Variants in DDX31 observed in about 807,000 individuals in gnomAD.
DDX31 encodes the protein DEAD-box helicase 31, also known as ATP-dependent DNA helicase DDX31.
A neutral mutation model predicts 91.3 loss-of-function variants in DDX31; 70 were observed. The observed-to-expected ratio is 0.77, with a 90% confidence interval of 0.63 to 0.94. The LOEUF (loss-of-function observed/expected upper bound fraction) is 0.94. Among genes scored for constraint, DDX31 ranks in the 40% least tolerant of loss-of-function variants. The pLI, the probability that DDX31 is intolerant of heterozygous loss-of-function variation, is 0.00. For missense variants in DDX31, 902 were observed against 925.0 expected (o/e 0.98, Z 0.32); for synonymous variants, 362 against 350.6 (o/e 1.03, Z -0.36).
At chr9:132,622,984 AG>A (rs1490184741) in intron 17 of DDX31, among the ~76,000 whole-genome samples, 1 of 152,044 alleles carries the variant, frequency 6.6e-6, no homozygotes, top group Non-Finnish European at 1.5e-5. Flanking sequence ...TACAAAAGTT[AG>A]CCGGGCATGG....
chr9:132,630,249 A>G lies in DDX31; in HGVS notation c.1631+15T>C, dbSNP rs1832638419. The G allele has an allele frequency of 1.3e-6, 2 of 1,565,912 alleles. No individual in the cohort carries two copies. The highest frequency in any genetic ancestry group is 2.3e-5 in the East Asian group (1 of 43,660). ...GGTGAGACCAGCCGAAACCCCATTC[A>G]GGTTTCTGACTCACTTGATTTTGTG... is the stretch of plus-strand genomic sequence containing the variant. On this transcript the variant is annotated intron_variant, in intron 16 of 19. Coordinates refer to ENST00000372159, the MANE Select transcript of DDX31 (RefSeq NM_022779.9).
intron 12 of DDX31, 140 bp downstream of exon 12, chr9:132,646,683 T>C: frequency 1.3e-6 from 1 of 743,334 alleles, no homozygotes; most frequent in Non-Finnish European, 2.2e-6. Context: ...AGGATGTATA[T>C]CAAAGTCTGC....
Position 132,648,138 on chromosome 9 carries a change from C to T in DDX31, c.967+51G>A. 3 of 1,477,532 alleles carry T rather than the reference C, an allele frequency of 2.0e-6. No individual in the cohort carries two copies. The East Asian group carries it at 6.8e-5, about 33-fold the overall frequency. The allele number at this position is 1,477,532 out of a possible 1,614,324, so 91.5% of individuals were successfully genotyped here. On this transcript the variant is annotated intron_variant, in intron 11 of 19. Coordinates refer to ENST00000372159, the MANE Select transcript of DDX31 (RefSeq NM_022779.9). Reference sequence around the variant, plus strand: ...AAACAACCCAGGTTAAATCTAGGTCCTTCCTCTTCATTAAGAACAAAGAAG... The same window carrying T: ...AAACAACCCAGGTTAAATCTAGGTCTTTCCTCTTCATTAAGAACAAAGAAG...
Position 132,595,224 on chromosome 9 carries a change from T to C in DDX31, c.1995-112A>G. On this transcript the variant is annotated intron_variant, in intron 19 of 19. Transcript: ENST00000372159. The surrounding 1 kb of genome is among the most constrained non-coding windows in gnomAD (Gnocchi z 4.6). The stretch of plus-strand genomic sequence containing the variant: ...AGACTGTGAAGCTGACATTTTTGTA[T>C]TAACAGAAGTACAATCCCTTCAATA... 8 of 1,295,898 alleles carry C rather than the reference T, an allele frequency of 6.2e-6. No individual in the cohort carries two copies. Among genetic ancestry groups the C allele is most frequent in the Non-Finnish European group, 8.4e-6 (8 of 951,108 alleles). The allele number at this position is 1,295,898 out of a possible 1,614,324, so 80.3% of individuals were successfully genotyped here.
intron 19 of DDX31, among the ~76,000 whole-genome samples, chr9:132,608,883 G>A (rs1831171814): frequency 6.6e-6 from 1 of 152,138 alleles, no homozygotes; most frequent in Non-Finnish European, 1.5e-5. Context: ...AACCCTGACT[G>A]AGGTGTGGAA....
chr9:132,646,104 T>C (rs774782808), intron 12 of DDX31, 33 bp from the exon 13 acceptor site: 2 of 1,599,918 alleles, frequency 1.3e-6, no homozygotes, highest in South Asian at 1.1e-5. Flanking sequence ...AAAACCGACA[T>C]ATTTTAAGAT....
At chr9:132,655,602 C>T (rs577039014) in intron 6 of DDX31, among the ~76,000 whole-genome samples, 5 of 152,136 alleles carry the variant, frequency 3.3e-5, no homozygotes, top group East Asian at 3.9e-4. Context: ...CTTTACTTTT[C>T]GCTATATATA....
intron 16 of DDX31, among the ~76,000 whole-genome samples, chr9:132,628,719 A>G (rs1832547044): frequency 6.6e-6 from 1 of 152,202 alleles, no homozygotes; most frequent in Admixed American, 6.5e-5. Flanking sequence ...GCATGGGGGA[A>G]CATCCAGAGA....
chr9:132,645,835 T>C, intron 13 of DDX31, 60 bp downstream of exon 13: 1 of 1,533,174 alleles, frequency 6.5e-7, no homozygotes, highest in Non-Finnish European at 8.8e-7. Context: ...GGACTCAGGT[T>C]CGCCCCCATC....
chr9:132,666,460 G>T (rs1402197605), intron 1 of DDX31, among the ~76,000 whole-genome samples: 1 of 151,808 alleles, frequency 6.6e-6, no homozygotes, highest in Non-Finnish European at 1.5e-5. Context: ...AATTATGAGT[G>T]GGTTTTTAAA....
chr9:132,650,253 T>C lies in DDX31; in HGVS notation c.721A>G (p.Arg241Gly). 2 of 1,614,146 alleles carry C rather than the reference T, an allele frequency of 1.2e-6. No individual in the cohort carries two copies. Reference protein sequence around the residue: ...VPGVLMGGEKRKSEKARLRKG... With the variant: ...VPGVLMGGEKGKSEKARLRKG... ...TCCTACCTGGCCTTTTCTGATTTTC[T>C]CTTCTCTCCTCCCATTAACACTCCA... Residue 241 changes from arginine to glycine, a missense_variant, in exon 9 of 20, where the codon AGA (arginine) becomes GGA (glycine). Coordinates refer to ENST00000372159, the MANE Select transcript of DDX31 (RefSeq NM_022779.9).
intron 16 of DDX31, among the ~76,000 whole-genome samples, chr9:132,628,757 G>A (rs1209964584): frequency 6.6e-6 from 1 of 152,214 alleles, no homozygotes; most frequent in East Asian, 1.9e-4. Context: ...ATGGGAAAAT[G>A]GAATTTGTAG....
chr9:132,632,918 A>C (rs1387728879), intron 14 of DDX31, among the ~76,000 whole-genome samples: 1 of 152,210 alleles, frequency 6.6e-6, no homozygotes, highest in Non-Finnish European at 1.5e-5. Flanking sequence ...AGCAGACCAG[A>C]AAGTGGGAAT....
Position 132,602,593 on chromosome 9 carries a change from C to T in DDX31, c.1995-7481G>A, listed in dbSNP as rs148042367. On this transcript the variant is annotated intron_variant, in intron 19 of 19. Coordinates refer to ENST00000372159, the MANE Select transcript of DDX31 (RefSeq NM_022779.9). ...GTTCTGCTTCCAGACCTAGAGGAAACTGGAAAAAAAGTTAGATCCAAATCT... is the reference window on the plus strand; with the variant it reads ...GTTCTGCTTCCAGACCTAGAGGAAATTGGAAAAAAAGTTAGATCCAAATCT... Among the ~76,000 whole-genome samples, 858 of 152,240 alleles carry T rather than the reference C, an allele frequency of 5.6e-3. 6 individuals are homozygous for T. The highest frequency in any genetic ancestry group is 0.017 in the African/African-American group (724 of 41,536).
At chr9:132,636,885 T>C (rs561829387) in intron 14 of DDX31, among the ~76,000 whole-genome samples, 1 of 152,152 alleles carries the variant, frequency 6.6e-6, no homozygotes, top group East Asian at 1.9e-4. Context: ...TCTGCGTGGG[T>C]CAGTTTGGCA....
At chr9:132,601,746 G>A (rs184982733) in intron 19 of DDX31, among the ~76,000 whole-genome samples, 11 of 152,322 alleles carry the variant, frequency 7.2e-5, no homozygotes, top group African/African-American at 1.7e-4. Context: ...CTGGGCCTTC[G>A]TACAGCCTGA....
chr9:132,665,780 T>C (rs2130863825), intron 1 of DDX31, among the ~76,000 whole-genome samples: 1 of 152,122 alleles, frequency 6.6e-6, no homozygotes, highest in East Asian at 1.9e-4. Flanking sequence ...TGCCAAGGAG[T>C]ATACTAAGTA....
chr9:132,613,294 G>C (rs115531989), intron 18 of DDX31, among the ~76,000 whole-genome samples: 1 of 152,222 alleles, frequency 6.6e-6, no homozygotes. Context: ...AATGTTTAAA[G>C]GAGAAAGAAA....
chr9:132,658,748 A>T lies in DDX31; in HGVS notation c.524-13T>A, dbSNP rs566976611. 687 of 1,612,596 alleles carry T rather than the reference A, an allele frequency of 4.3e-4. 9 individuals carry two copies. The South Asian group carries it at 7.1e-3, about 17-fold the overall frequency. The stretch of plus-strand genomic sequence containing the variant: ...GCAAGAGTTTTACCTTTCAAAAAAA[A>T]AGCAGAAGCAATTAAAATCACACAC... On this transcript the variant is annotated splice_polypyrimidine_tract_variant and intron_variant, in intron 5 of 19. Coordinates refer to ENST00000372159, the MANE Select transcript of DDX31 (RefSeq NM_022779.9).
Sources: gnomAD v4.1 joint callset for allele counts (sites outside exome capture counted in the v4.1 genomes callset) on GRCh38, gnomAD v4.1.1 for gene constraint, Gnocchi (gnomAD v3.1) non-coding constraint, MANE v1.5 for transcripts, NCBI Gene and HGNC (gene_info 2026-07-23, HGNC 2026-07-21) for gene names.